Variants in KIF2C observed in about 807,000 individuals in gnomAD.
KIF2C encodes kinesin family member 2C.
KIF2C carries 34 observed loss-of-function variants against 97.4 expected under a neutral mutation model. The ratio of observed to expected loss-of-function variants is 0.35; its 90% CI spans 0.27 to 0.46. The LOEUF (loss-of-function observed/expected upper bound fraction) is 0.46. Among genes scored for constraint, KIF2C ranks in the 20% least tolerant of loss-of-function variants. The probability of loss-of-function intolerance (pLI) is 1.00; values close to 1 mark genes in which losing one functional copy is unlikely to be tolerated. For missense variants in KIF2C, 750 were observed against 907.6 expected, an observed-to-expected ratio of 0.83 and a Z score of 2.23; for synonymous variants, 313 against 318.2, an observed-to-expected ratio of 0.98 and a Z score of 0.17.
chr1:44,756,058 A>G lies in KIF2C; in HGVS notation c.815-17A>G, dbSNP rs771859174. On this transcript the variant is annotated splice_polypyrimidine_tract_variant and intron_variant, in intron 9 of 20. Transcript: ENST00000372224. ...CTGTTTCCAGGGAGCACCCCCTGAA[A>G]TACTCTCCTTCTGCAGAATTGGCCA... The G allele has an allele frequency of 1.9e-6, 3 of 1,614,010 alleles. No individual in the cohort carries two copies. The highest frequency in any genetic ancestry group is 1.3e-5 in the African/African-American group (1 of 74,902).
Position 44,759,318 on chromosome 1 carries a change from T to C in KIF2C, c.1337T>C (p.Ile446Thr), listed in dbSNP as rs139346428. 4.1e-3 allele frequency: 6,553 copies of C among 1,614,094 alleles called. 14 individuals are homozygous for C. The highest frequency in any genetic ancestry group is 4.9e-3 in the Non-Finnish European group (5,782 of 1,180,008). The stretch of plus-strand genomic sequence containing the variant: ...CTGGTTAACTCTGCTGATGATGTCA[T>C]CAAGATGATCGACATGGGCAGCGCC... The part of the protein sequence containing the change: ...EHLVNSADDV[I>T]KMIDMGSACR... The change falls in exon 14 of 21, where the codon ATC (isoleucine) becomes ACC (threonine). Residue 446 changes from isoleucine to threonine, a missense_variant. Ile to Thr is a moderately conservative substitution (Grantham distance 89). Transcript: ENST00000372224.
intron 16 of KIF2C, 79 bp from the exon 17 acceptor site, chr1:44,761,837 C>CTG: frequency 7.5e-7 from 1 of 1,328,648 alleles, no homozygotes; most frequent in Non-Finnish European, 1.1e-6. Context: ...AACACCCTGA[C>CTG]TGGAGGCCCC....
At chr1:44,747,785 T>C in intron 4 of KIF2C, 85 bp downstream of exon 4, 3 of 1,251,950 alleles carry the variant, frequency 2.4e-6, no homozygotes, top group Non-Finnish European at 2.3e-6. Flanking sequence ...AAGCTCCTCT[T>C]TTGCAGGTGG....
chr1:44,761,495 C>G (rs1410852632), intron 16 of KIF2C, among the ~76,000 whole-genome samples: 1 of 151,888 alleles, frequency 6.6e-6, no homozygotes, highest in Non-Finnish European at 1.5e-5. Context: ...GTAGTCCCAG[C>G]TACTCGGGAG....
chr1:44,753,763 T>C lies in KIF2C; in HGVS notation c.593T>C (p.Val198Ala), dbSNP rs199983865. ...AGGAAATCATGTCTTGTGAAGGAAG[T>C]GGAAAAAATGAAGAACAAGCGAGAA... Reference protein sequence around the residue: ...VRRKSCLVKEVEKMKNKREEK... With the variant: ...VRRKSCLVKEAEKMKNKREEK... Residue 198 changes from valine (V) to alanine (A), a missense_variant, in exon 7 of 21, where the codon GTG (valine) becomes GCG (alanine). Physicochemically the swap from Val to Ala is moderately conservative, Grantham distance 64. Transcript: ENST00000372224. The C allele has an allele frequency of 5.0e-6, 8 of 1,609,494 alleles. No individual in the cohort carries two copies. In the East Asian group the frequency reaches 1.8e-4, roughly 36 times the overall value.
At chr1:44,758,231 TTAGCTG>T in intron 13 of KIF2C, 91 bp downstream of exon 13, 1 of 377,192 alleles carries the variant, frequency 2.7e-6, no homozygotes, top group Non-Finnish European at 3.8e-6. Context: ...CAAAAACCTA[TTAGCTG>T]ATTAGCTGTC....
intron 7 of KIF2C, 57 bp downstream of exon 7, chr1:44,753,890 C>G: frequency 1.1e-6 from 1 of 949,082 alleles, no homozygotes; most frequent in South Asian, 1.6e-5. Flanking sequence ...TTAACCGAAA[C>G]TCTACGGGCA....
rs1407870373 is a variant in KIF2C at position 44,767,522 on chromosome 1, G to A, written c.*343G>A. The A allele has an allele frequency of 4.0e-5, 10 of 252,866 alleles. No homozygotes were observed. Among genetic ancestry groups the A allele is most frequent in the Non-Finnish European group, 7.1e-5 (9 of 127,316 alleles). The allele number at this position is 252,866 out of a possible 1,614,324, so 15.7% of individuals were successfully genotyped here. A position where few individuals can be genotyped will look rare whatever the true frequency, so the allele number is the denominator to read the frequency against. On this transcript the variant is annotated 3_prime_UTR_variant, in exon 21 of 21. Coordinates refer to ENST00000372224, the MANE Select transcript of KIF2C (RefSeq NM_006845.4). The stretch of plus-strand genomic sequence containing the variant: ...GGCTGCTAATGGAGAGCTCCCTGGG[G>A]TTGTCCTGGCTCTGGGGAGAGAGAC...
intron 1 of KIF2C, 68 bp downstream of exon 1, chr1:44,740,070 C>T (rs1352341952): frequency 3.2e-6 from 5 of 1,544,462 alleles, no homozygotes; most frequent in Non-Finnish European, 9.0e-7. Context: ...ACTGCCCGTC[C>T]CCGGACACAC....
chr1:44,753,006 T>C (rs1649607429), intron 5 of KIF2C, 126 bp from the exon 6 acceptor site: 2 of 1,180,602 alleles, frequency 1.7e-6, no homozygotes, highest in East Asian at 4.8e-5. Flanking sequence ...GCACAAGCTC[T>C]GCACATACTG....
chr1:44,754,850 G>A lies in KIF2C; in HGVS notation c.759+5G>A. 4 of 1,552,096 alleles carry A rather than the reference G, an allele frequency of 2.6e-6. No homozygotes were observed. Among genetic ancestry groups the A allele is most frequent in the Non-Finnish European group, 3.6e-6 (4 of 1,124,080 alleles). On this transcript the variant is annotated splice_donor_5th_base_variant and intron_variant, in intron 8 of 20. Transcript: ENST00000372224. ...CCACTTACTATGACTGATCCTGTAA[G>A]TACATCCAAAGAACTTCTCTTTCTT... is the stretch of plus-strand genomic sequence containing the variant.
At chr1:44,748,884 T>G (rs1367064639) in intron 4 of KIF2C, among the ~76,000 whole-genome samples, 1 of 151,648 alleles carries the variant, frequency 6.6e-6, no homozygotes, top group East Asian at 1.9e-4. Context: ...CTCGCTTTGT[T>G]GCCTAAGCTG....
At chr1:44,757,882 T>C in intron 11 of KIF2C, 26 bp from the exon 12 acceptor site, 1 of 1,611,976 alleles carries the variant, frequency 6.2e-7, no homozygotes, top group Non-Finnish European at 8.5e-7. Flanking sequence ...CCCTTTTCCA[T>C]GGTCTTCTAC....
chr1:44,766,567 C>T (rs1173835250), intron 19 of KIF2C, among the ~76,000 whole-genome samples: 5 of 152,102 alleles, frequency 3.3e-5, no homozygotes, highest in African/African-American at 7.2e-5. Flanking sequence ...GCCGAGATCA[C>T]GCCATTGCAC....
chr1:44,750,360 C>G (rs924358358), intron 4 of KIF2C, 82 bp from the exon 5 acceptor site: 1 of 1,300,190 alleles, frequency 7.7e-7, no homozygotes, highest in African/African-American at 1.5e-5. Context: ...CCTATTTCAC[C>G]TTGTACAGAA....
At chr1:44,754,684 C>T (rs557673464) in intron 7 of KIF2C, 66 bp from the exon 8 acceptor site, 13 of 913,368 alleles carry the variant, frequency 1.4e-5, no homozygotes, top group African/African-American at 1.1e-4. Context: ...TTGCTGCTGC[C>T]GCATAGGGGT....
chr1:44,753,284 C>T, intron 6 of KIF2C, 30 bp downstream of exon 6: 2 of 1,594,300 alleles, frequency 1.3e-6, no homozygotes, highest in Admixed American at 1.7e-5. Flanking sequence ...TGCTGTTCTG[C>T]TTCTAGTGAG....
chr1:44,745,008 G>C (rs1318958749), intron 2 of KIF2C, among the ~76,000 whole-genome samples: 1 of 151,902 alleles, frequency 6.6e-6, no homozygotes, highest in East Asian at 1.9e-4. Context: ...TGGCCAACGT[G>C]GTAAAACCCT....
At chr1:44,762,075 C>T in intron 17 of KIF2C, 92 bp downstream of exon 17, 1 of 1,150,814 alleles carries the variant, frequency 8.7e-7, no homozygotes, top group Admixed American at 1.7e-5. Flanking sequence ...GGCCTCAGGG[C>T]CTACTGTATA....
Sources: gnomAD v4.1 joint callset for allele counts (sites outside exome capture counted in the v4.1 genomes callset) on GRCh38, gnomAD v4.1.1 for gene constraint, MANE v1.5 for transcripts, NCBI Gene and HGNC (gene_info 2026-07-23, HGNC 2026-07-21) for gene names.